CWC27: variants seen among roughly 807,000 people sequenced by gnomAD.
The protein encoded by CWC27 is spliceosome-associated protein CWC27 homolog.
In CWC27, 47 loss-of-function variants were observed where a neutral mutation model predicts 63.6. The observed-to-expected ratio is 0.74, with a 90% CI of 0.58 to 0.94. The LOEUF (loss-of-function observed/expected upper bound fraction) is 0.94. CWC27 is among the 40% of genes least tolerant of loss of function. CWC27 has a pLI of 0.00. For synonymous variants in CWC27, 175 were observed against 179.8 expected, an observed-to-expected ratio of 0.97 and a Z score of 0.22; for missense variants, 495 against 554.3, an observed-to-expected ratio of 0.89 and a Z score of 1.07.
At chr5:64,914,346 G>A (rs1444594662) in intron 11 of CWC27, among the ~76,000 whole-genome samples, 1 of 152,100 alleles carries the variant, frequency 6.6e-6, no homozygotes, top group East Asian at 1.9e-4. Flanking sequence ...TGTTCAGCAA[G>A]ATACCTGACA....
intron 11 of CWC27, among the ~76,000 whole-genome samples, chr5:64,953,541 G>T (rs1412435823): frequency 6.6e-6 from 1 of 151,832 alleles, no homozygotes; most frequent in Non-Finnish European, 1.5e-5. Flanking sequence ...AAATAAGAGG[G>T]TGAGAAATTT....
intron 10 of CWC27, among the ~76,000 whole-genome samples, chr5:64,819,334 A>T (rs1050031442): frequency 6.6e-6 from 1 of 152,126 alleles, no homozygotes; most frequent in African/African-American, 2.4e-5. Context: ...TTACCTAGGT[A>T]AGAAACCTTC....
chr5:64,913,127 C>A (rs1165359611), intron 11 of CWC27, among the ~76,000 whole-genome samples: 1 of 152,082 alleles, frequency 6.6e-6, no homozygotes, highest in Non-Finnish European at 1.5e-5. Context: ...TAATTTATCA[C>A]ATTAATAGAA....
chr5:64,803,187 T>A (rs1319750372), intron 9 of CWC27, among the ~76,000 whole-genome samples: 1 of 152,202 alleles, frequency 6.6e-6, no homozygotes, highest in East Asian at 1.9e-4. Context: ...GGACCAGTGC[T>A]TTAGGGGTCC....
At chr5:64,851,825 G>A (rs566116448) in intron 10 of CWC27, among the ~76,000 whole-genome samples, 14 of 152,258 alleles carry the variant, frequency 9.2e-5, no homozygotes, top group African/African-American at 3.4e-4. Flanking sequence ...CTTACTAAGT[G>A]CAAGGAAGTA....
chr5:64,769,591 A>G (rs1376230482), intron 1 of CWC27, among the ~76,000 whole-genome samples: 1 of 152,204 alleles, frequency 6.6e-6, no homozygotes, highest in African/African-American at 2.4e-5. Context: ...TAGGCGCCGG[A>G]GATACAAAGA....
At chr5:64,909,180 A>G (rs1747730518) in intron 11 of CWC27, among the ~76,000 whole-genome samples, 2 of 152,120 alleles carry the variant, frequency 1.3e-5, no homozygotes, top group South Asian at 4.1e-4. Context: ...TGTTTTGAAA[A>G]TTCTTTTCTT....
At chr5:64,835,342 C>T (rs1745632984) in intron 10 of CWC27, among the ~76,000 whole-genome samples, 1 of 151,732 alleles carries the variant, frequency 6.6e-6, no homozygotes. Flanking sequence ...GGATTATAGA[C>T]TAAGTCAGTG....
intron 2 of CWC27, among the ~76,000 whole-genome samples, chr5:64,777,206 A>G (rs1743487819): frequency 6.6e-6 from 1 of 152,052 alleles, no homozygotes; most frequent in Admixed American, 6.6e-5. Flanking sequence ...CCTTTATTTC[A>G]CATCATTCTT....
At chr5:64,908,345 G>A (rs1286736980) in intron 11 of CWC27, among the ~76,000 whole-genome samples, 1 of 152,212 alleles carries the variant, frequency 6.6e-6, no homozygotes, top group South Asian at 2.1e-4. Flanking sequence ...GTAATGTTGA[G>A]AAGAATGTAT....
chr5:65,007,330 G>T (rs1022334875), intron 13 of CWC27, among the ~76,000 whole-genome samples: 1 of 152,212 alleles, frequency 6.6e-6, no homozygotes, highest in African/African-American at 2.4e-5. Flanking sequence ...AAGGAGGCAT[G>T]ACAACTAAAT....
At chr5:64,835,808 C>G (rs1051854193) in intron 10 of CWC27, among the ~76,000 whole-genome samples, 1 of 151,616 alleles carries the variant, frequency 6.6e-6, no homozygotes, top group African/African-American at 2.4e-5. Flanking sequence ...ATGAAGAAAA[C>G]CACTGTATTT....
chr5:64,853,318 A>T (rs111698818), intron 10 of CWC27, among the ~76,000 whole-genome samples: 2,149 of 152,240 alleles, frequency 0.014, 63 homozygotes, highest in African/African-American at 0.05. Flanking sequence ...AGCATTGCAA[A>T]ACTTCTCGAC....
intron 11 of CWC27, among the ~76,000 whole-genome samples, chr5:64,937,149 T>G (rs1000937116): frequency 9.9e-5 from 15 of 152,108 alleles, no homozygotes; most frequent in African/African-American, 3.1e-4. Flanking sequence ...GCTTTTGAAT[T>G]TGTTTGCTCT....
chr5:64,968,378 C>T (rs772892906), intron 11 of CWC27, among the ~76,000 whole-genome samples: 3 of 152,018 alleles, frequency 2.0e-5, no homozygotes, highest in Non-Finnish European at 4.4e-5. Flanking sequence ...AATCCCACTC[C>T]TAGGTATTTA....
chr5:64,989,318 A>G (rs1439349593), intron 13 of CWC27, among the ~76,000 whole-genome samples: 1 of 152,234 alleles, frequency 6.6e-6, no homozygotes, highest in Non-Finnish European at 1.5e-5. Context: ...GGCTTATGCC[A>G]AATTGTCTCA....
intron 4 of CWC27, among the ~76,000 whole-genome samples, chr5:64,785,203 G>A (rs982253823): frequency 6.6e-6 from 1 of 152,030 alleles, no homozygotes; most frequent in African/African-American, 2.4e-5. Flanking sequence ...ATGAAAAGTT[G>A]TCATTCAGTA....
rs1749529534 is a variant in CWC27 at position 64,991,136 on chromosome 5, G to C, written c.1256+13898G>C. Among the ~76,000 whole-genome samples, 3 of 152,184 alleles carry C rather than the reference G, an allele frequency of 2.0e-5. No homozygotes were observed. In the South Asian group the frequency reaches 6.2e-4, roughly 31 times the overall value. Reference sequence around the variant, plus strand: ...ATTATGAACTGCTTTCACAGTCATTGGCAAGAAACCTTGCATTCACTTAGG... The same window carrying C: ...ATTATGAACTGCTTTCACAGTCATTCGCAAGAAACCTTGCATTCACTTAGG... On this transcript the variant is annotated intron_variant, in intron 13 of 13. Transcript: ENST00000381070.
At chr5:64,970,325 G>C (rs1292503266) in intron 11 of CWC27, among the ~76,000 whole-genome samples, 1 of 150,726 alleles carries the variant, frequency 6.6e-6, no homozygotes, top group Non-Finnish European at 1.5e-5. Context: ...CCATTCTCCT[G>C]CCTCAGCCTC....
Sources: allele counts gnomAD v4.1 joint callset (sites outside exome capture counted in the v4.1 genomes callset), GRCh38; gene constraint gnomAD v4.1.1; transcripts MANE v1.5; gene names NCBI Gene and HGNC (gene_info 2026-07-23, HGNC 2026-07-21).